Variants in ZNF28 observed in about 807,000 individuals in gnomAD.
ZNF28 encodes the protein zinc finger protein 28.
In ZNF28, 5 loss-of-function variants were observed where a neutral mutation model predicts 7.2. The ratio of observed to expected loss-of-function variants is 0.70; its 90% CI spans 0.36 to 1.46. The LOEUF (loss-of-function observed/expected upper bound fraction) is 1.46. Ranked by LOEUF, ZNF28 falls within the 40% of genes most tolerant of loss-of-function variation. ZNF28 has a pLI of 0.03. For missense variants in ZNF28, 879 were observed against 866.6 expected (o/e 1.01, Z -0.18); for synonymous variants, 288 against 292.4 (o/e 0.99, Z 0.15).
intron 3 of ZNF28, chr19:52,805,990 TA>T (rs923559094): frequency 2.4e-4 from 37 of 151,950 alleles, no homozygotes; most frequent in African/African-American, 8.9e-4. Context: ...CATAAATACA[TA>T]AAGTAATTAA....
At position 52,800,142 on chromosome 19, in the gene ZNF28, C is replaced by G; in HGVS notation, c.1703G>C (p.Arg568Thr). 1 of 1,613,802 alleles carries G rather than the reference C, an allele frequency of 6.2e-7. No individual in the cohort carries two copies. Among genetic ancestry groups the G allele is most frequent in the Non-Finnish European group, 8.5e-7 (1 of 1,179,928 alleles). The change falls in exon 4 of 4, where the codon AGA becomes ACA. Residue 568 changes from arginine (R) to threonine (T), a missense_variant. Arg to Thr is a moderately conservative substitution (Grantham distance 71). Transcript: ENST00000457749. ...CTCTCCAGTATGAATCCTCCTATGT[C>G]TTTCCATGTGTGATTTGCGACTGAA... ...KVFSRKSHME[R>T]HRRIHTGEKP... is the part of the protein sequence containing the mutation.
At chr19:52,806,256 C>T (rs1485892132) in intron 3 of ZNF28, among the ~76,000 whole-genome samples, 3 of 151,946 alleles carry the variant, frequency 2.0e-5, no homozygotes, top group East Asian at 1.9e-4. Context: ...TGCAACGGTG[C>T]GATCTCGGCT....
chr19:52,815,972 TTTTC>T (rs2063119401), intron 2 of ZNF28, among the ~76,000 whole-genome samples: 1 of 147,054 alleles, frequency 6.8e-6, no homozygotes, highest in Non-Finnish European at 1.5e-5. Flanking sequence ...ACATAAAAAT[TTTTC>T]TTTAATTTAC....
rs149843292 is a variant in ZNF28 at position 52,800,528 on chromosome 19, G to A, written c.1317C>T (p.Tyr439=). 8.0e-4 allele frequency: 1,285 copies of A among 1,613,672 alleles called. 13 individuals are homozygous for A. In the African/African-American group the frequency reaches 0.015, roughly 19 times the overall value. Residue 439 remains tyrosine (Y), a synonymous_variant, in exon 4 of 4, where the codon TAC becomes TAT. Transcript: ENST00000457749. ...HSIIHTGEKP[Y]KCNECGKVFN... Reference sequence around the variant, plus strand: ...AAACCTTGCCACATTCATTACACTTGTAAGGCTTCTCTCCAGTGTGAATTA... The same window carrying A: ...AAACCTTGCCACATTCATTACACTTATAAGGCTTCTCTCCAGTGTGAATTA...
At chr19:52,816,332 A>G (rs1308317878) in intron 2 of ZNF28, among the ~76,000 whole-genome samples, 1 of 146,846 alleles carries the variant, frequency 6.8e-6, no homozygotes, top group East Asian at 2.0e-4. Context: ...CAGCCTGGCC[A>G]ACATGGTGAA....
At chr19:52,801,748 T>C (rs753915556) in intron 3 of ZNF28, 46 bp from the exon 4 acceptor site, 5 of 1,514,102 alleles carry the variant, frequency 3.3e-6, no homozygotes, top group Admixed American at 2.0e-5. Flanking sequence ...GTACAGATGG[T>C]GTATAATACT....
intron 3 of ZNF28, among the ~76,000 whole-genome samples, chr19:52,802,787 A>C (rs185833846): frequency 7.0e-6 from 1 of 143,806 alleles, no homozygotes; most frequent in East Asian, 2.0e-4. Context: ...TTGCGACGAA[A>C]TCTTGCTCTG....
At chr19:52,819,845 T>C (rs936644109) in intron 1 of ZNF28, among the ~76,000 whole-genome samples, 2 of 143,284 alleles carry the variant, frequency 1.4e-5, no homozygotes, top group Non-Finnish European at 3.0e-5. Flanking sequence ...ATTTATAAAA[T>C]GCAGCAGTGT....
At chr19:52,810,073 C>T in intron 2 of ZNF28, 1 of 754,248 alleles carries the variant, frequency 1.3e-6, no homozygotes. Flanking sequence ...GCTCCAGGAC[C>T]TGGGCCTCGT....
At chr19:52,809,891 G>A (rs556427442) in intron 2 of ZNF28, 33 of 791,652 alleles carry the variant, frequency 4.2e-5, no homozygotes, top group African/African-American at 3.1e-4. Context: ...GATCCAGGCC[G>A]GGGCGGCGCC....
At chr19:52,807,773 G>C (rs1274815674) in intron 3 of ZNF28, 5 of 720,630 alleles carry the variant, frequency 6.9e-6, no homozygotes, top group East Asian at 6.2e-5. Flanking sequence ...CCACGACCAG[G>C]CTGCCATAAA....
At chr19:52,802,236 G>A (rs1465372893) in intron 3 of ZNF28, among the ~76,000 whole-genome samples, 1 of 152,146 alleles carries the variant, frequency 6.6e-6, no homozygotes, top group East Asian at 1.9e-4. Flanking sequence ...AGGTATGGTG[G>A]CCCGTGCCTG....
rs142080525 is a variant in ZNF28 at position 52,817,110 on chromosome 19, C to G, written c.15+834G>C. On this transcript the variant is annotated intron_variant, in intron 2 of 3. Coordinates refer to ENST00000457749, the MANE Select transcript of ZNF28 (RefSeq NM_006969.5). ...GGAATAGGCCAGGAACGGTGGCTCA[C>G]GCTTGTAATCCCAGCACTTTAGGAA... Among the ~76,000 whole-genome samples, 473 of 151,920 alleles carry G rather than the reference C, an allele frequency of 3.1e-3. 2 individuals carry two copies. Among genetic ancestry groups the G allele is most frequent in the African/African-American group, 0.011 (452 of 41,422 alleles).
chr19:52,805,132 T>C (rs1054449306), intron 3 of ZNF28: 13 of 151,632 alleles, frequency 8.6e-5, no homozygotes, highest in Admixed American at 5.9e-4. Context: ...TAGCCCGCGG[T>C]GTTGGCACTC....
chr19:52,807,287 G>C (rs2062949188), intron 3 of ZNF28, among the ~76,000 whole-genome samples: 1 of 152,176 alleles, frequency 6.6e-6, no homozygotes, highest in South Asian at 2.1e-4. Context: ...TAGGAAAGAA[G>C]ACATTACAGA....
chr19:52,801,402 A>T lies in ZNF28; in HGVS notation c.443T>A (p.Leu148Gln). ...AGGCTGAAATATGTGCAGTTCAGGC[A>T]GATGCGAATGAAAGCTTAATCCAAG... ...DQLGLSFHSH[L>Q]PELHIFQPEG... is the part of the protein sequence containing the mutation. The change falls in exon 4 of 4, where the codon CTG becomes CAG. Residue 148 changes from leucine to glutamine, a missense_variant. Leu to Gln is a moderately radical substitution (Grantham distance 113, BLOSUM62 -2). Coordinates refer to ENST00000457749, the MANE Select transcript of ZNF28 (RefSeq NM_006969.5). 6.2e-7 allele frequency: 1 copy of T among 1,614,234 alleles called. No individual in the cohort carries two copies. Among genetic ancestry groups the T allele is most frequent in the Non-Finnish European group, 8.5e-7 (1 of 1,180,052 alleles).
chr19:52,798,751 G>T lies in ZNF28; in HGVS notation c.*937C>A. On this transcript the variant is annotated 3_prime_UTR_variant, in exon 4 of 4. Coordinates refer to ENST00000457749, the MANE Select transcript of ZNF28 (RefSeq NM_006969.5). ...TATATGAACGATATCTGAAAAATCT[G>T]TCACATTTATTACACTTGTAAGATC... The T allele has an allele frequency of 1.7e-6, 1 of 581,310 alleles. No homozygotes were observed. Among genetic ancestry groups the T allele is most frequent in the Non-Finnish European group, 3.1e-6 (1 of 321,860 alleles). 36.0% of individuals were successfully genotyped at this position (581,310 alleles called of 1,614,324 possible).
At chr19:52,808,510 G>A (rs2062967293) in intron 2 of ZNF28, among the ~76,000 whole-genome samples, 1 of 152,000 alleles carries the variant, frequency 6.6e-6, no homozygotes, top group Non-Finnish European at 1.5e-5. Context: ...AGTGACACAT[G>A]TCTGTAATCC....
At position 52,800,917 on chromosome 19, in the gene ZNF28, G is replaced by A. The variant is rs375072035; in HGVS notation, c.928C>T (p.Arg310Cys). 26 of 1,613,850 alleles carry A rather than the reference G, an allele frequency of 1.6e-5. No individual in the cohort carries two copies. The highest frequency in any genetic ancestry group is 3.3e-5 in the Admixed American group (2 of 59,984). ...TTATGTGTTTCAAGGTGTGATTTGC[G>A]ACTGAAAACTTTGTCACATTCTTCA... ...ECEECDKVFS[R>C]KSHLETHKII... is the part of the protein sequence containing the mutation. The change falls in exon 4 of 4, where the codon CGC (arginine) becomes TGC (cysteine). Residue 310 changes from arginine to cysteine, a missense_variant. Physicochemically the swap from Arg to Cys is radical, Grantham distance 180. This residue lies in a region of ZNF28 where 864 missense variants were observed against 830.2 expected (regional missense o/e 1.04). Transcript: ENST00000457749.
Sources: allele counts gnomAD v4.1 joint callset (sites outside exome capture counted in the v4.1 genomes callset), GRCh38; gene constraint gnomAD v4.1.1; regional missense constraint gnomAD v4.1.1; transcripts MANE v1.5; gene names NCBI Gene and HGNC (gene_info 2026-07-23, HGNC 2026-07-21).